Variants in SMARCAL1 observed in about 807,000 individuals in gnomAD.
SMARCAL1 encodes SNF2 related chromatin remodeling annealing helicase 1, also known as ATP-driven annealing helicase.
In SMARCAL1, 58 loss-of-function variants were observed where a neutral mutation model predicts 94.5. The ratio of observed to expected loss-of-function variants is 0.61; its 90% CI spans 0.50 to 0.76. SMARCAL1 has a LOEUF of 0.76. Ranked by LOEUF, SMARCAL1 falls within the 30% of genes least tolerant of loss-of-function variation. SMARCAL1 has a pLI of 0.00. For synonymous variants in SMARCAL1, 422 were observed against 455.1 expected, an observed-to-expected ratio of 0.93 and a Z score of 0.93; for missense variants, 1,051 against 1,177.9, an observed-to-expected ratio of 0.89 and a Z score of 1.58.
At chr2:216,430,665 G>A (rs1346428925) in intron 7 of SMARCAL1, among the ~76,000 whole-genome samples, 1 of 152,172 alleles carries the variant, frequency 6.6e-6, no homozygotes, top group African/African-American at 2.4e-5. Flanking sequence ...GGAAAAAGGA[G>A]AGAATGTGAA....
chr2:216,475,129 A>C lies in SMARCAL1; in HGVS notation c.2245-140A>C. ...AAGCAGTCATCTCAATACCAATGTC[A>C]ATTTGAAAAGAAAAGCTCTGAAGGC... is the stretch of plus-strand genomic sequence containing the variant. On this transcript the variant is annotated intron_variant, in intron 14 of 17. Coordinates refer to ENST00000357276, the MANE Select transcript of SMARCAL1 (RefSeq NM_014140.4). This position sits in a 1 kb window ranked among gnomAD's most constrained non-coding sequence, Gnocchi z 4.4. 1.4e-6 allele frequency: 1 copy of C among 736,386 alleles called. No individual in the cohort carries two copies. Among genetic ancestry groups the C allele is most frequent in the Non-Finnish European group, 2.3e-6 (1 of 440,410 alleles). The allele number at this position is 736,386 out of a possible 1,614,324, so 45.6% of individuals were successfully genotyped here. A position where few individuals can be genotyped will look rare whatever the true frequency, so the allele number is the denominator to read the frequency against.
chr2:216,467,331 C>T (rs12694390), intron 13 of SMARCAL1, among the ~76,000 whole-genome samples: 35,984 of 151,734 alleles, frequency 0.24, 5,050 homozygotes, highest in Non-Finnish European at 0.3. Flanking sequence ...ATTAGCTGGG[C>T]GTTGTGGTAC....
chr2:216,433,347 G>A (rs939390007), intron 8 of SMARCAL1, among the ~76,000 whole-genome samples: 6 of 152,044 alleles, frequency 3.9e-5, no homozygotes, highest in Non-Finnish European at 5.9e-5. Flanking sequence ...GCCTCCCAAA[G>A]TGCTGGGATT....
chr2:216,455,558 G>T (rs1463039136), intron 12 of SMARCAL1, among the ~76,000 whole-genome samples: 2 of 152,188 alleles, frequency 1.3e-5, no homozygotes, highest in African/African-American at 2.4e-5. Context: ...TCGTTGTTCT[G>T]CAGCCTCCGC....
intron 12 of SMARCAL1, among the ~76,000 whole-genome samples, chr2:216,463,807 C>T (rs1308006523): frequency 6.6e-6 from 1 of 152,194 alleles, no homozygotes; most frequent in Non-Finnish European, 1.5e-5. Flanking sequence ...CTTTGGGAGG[C>T]TGAGGTGGGT....
At chr2:216,479,609 G>T (rs974104311) in intron 17 of SMARCAL1, among the ~76,000 whole-genome samples, 1 of 152,034 alleles carries the variant, frequency 6.6e-6, no homozygotes, top group Non-Finnish European at 1.5e-5. Flanking sequence ...ATAAGACTCA[G>T]ATCATATTTT....
chr2:216,435,257 G>A (rs1694056442), intron 8 of SMARCAL1, 81 bp from the exon 9 acceptor site: 3 of 1,452,216 alleles, frequency 2.1e-6, no homozygotes, highest in Admixed American at 1.7e-5. Context: ...GCTGTTGATG[G>A]GCATGAGACT....
intron 9 of SMARCAL1, 92 bp downstream of exon 9, chr2:216,435,588 G>C: frequency 8.9e-7 from 1 of 1,124,804 alleles, no homozygotes. Context: ...TAATCTCCTT[G>C]AGCCCCATTT....
chr2:216,429,859 C>A (rs978233955), intron 7 of SMARCAL1, among the ~76,000 whole-genome samples: 19 of 152,280 alleles, frequency 1.2e-4, no homozygotes, highest in African/African-American at 4.6e-4. Flanking sequence ...GCACACTCTG[C>A]AAAACCTCCT....
In SMARCAL1 at chr2:216,438,471, A is replaced by G. The variant is rs776299636; in HGVS notation, c.1696A>G (p.Met566Val). ...TAGGACTGCCCGCTGTCGAGCAGCTATGCCGGTCCTAAAGGTGAGTACTTC... is the reference window on the plus strand; with the variant it reads ...TAGGACTGCCCGCTGTCGAGCAGCTGTGCCGGTCCTAAAGGTGAGTACTTC... ...NSRTARCRAAMPVLKVAKRVI... is the reference protein window; with the variant it reads ...NSRTARCRAAVPVLKVAKRVI... The change falls in exon 10 of 18, where the codon ATG becomes GTG. Residue 566 changes from methionine to valine, a missense_variant. Physicochemically the swap from Met to Val is conservative, Grantham distance 21 (BLOSUM62 1). Coordinates refer to ENST00000357276, the MANE Select transcript of SMARCAL1 (RefSeq NM_014140.4). The G allele has an allele frequency of 6.2e-6, 10 of 1,613,856 alleles. No homozygotes were observed. The Admixed American group carries it at 6.7e-5, about 11-fold the overall frequency.
chr2:216,477,238 T>A, intron 16 of SMARCAL1, 29 bp downstream of exon 16: 2 of 1,490,744 alleles, frequency 1.3e-6, no homozygotes, highest in Non-Finnish European at 1.8e-6. Context: ...GCCTGGCAGT[T>A]GGAGTCGAGC....
chr2:216,436,125 C>T (rs1232871866), intron 9 of SMARCAL1, among the ~76,000 whole-genome samples: 2 of 152,244 alleles, frequency 1.3e-5, no homozygotes, highest in Admixed American at 1.3e-4. Flanking sequence ...CTTGCCACCA[C>T]GCCCAGCTAA....
At chr2:216,465,576 C>A (rs891114927) in intron 13 of SMARCAL1, among the ~76,000 whole-genome samples, 3 of 152,188 alleles carry the variant, frequency 2.0e-5, no homozygotes, top group African/African-American at 7.2e-5. Context: ...TCTATTCTTA[C>A]AATTATTCAT....
intron 12 of SMARCAL1, among the ~76,000 whole-genome samples, chr2:216,460,279 G>C (rs538403574): frequency 2.2e-4 from 34 of 152,280 alleles, no homozygotes; most frequent in African/African-American, 8.2e-4. Flanking sequence ...TCAGTGTGGC[G>C]ATTCCTCAGG....
intron 6 of SMARCAL1, among the ~76,000 whole-genome samples, 188 bp downstream of exon 6, chr2:216,423,871 C>T (rs1168525149): frequency 1.3e-5 from 2 of 152,142 alleles, no homozygotes; most frequent in African/African-American, 4.8e-5. Flanking sequence ...TATGACAGCC[C>T]AGACAAATGC....
chr2:216,453,160 T>C (rs1042214695), intron 12 of SMARCAL1, among the ~76,000 whole-genome samples: 7 of 152,204 alleles, frequency 4.6e-5, no homozygotes, highest in African/African-American at 1.7e-4. Context: ...TAAATTGCAG[T>C]GTCATTCTTC....
intron 9 of SMARCAL1, among the ~76,000 whole-genome samples, chr2:216,436,606 G>C (rs1182670865): frequency 2.0e-5 from 3 of 152,222 alleles, no homozygotes; most frequent in African/African-American, 7.2e-5. Flanking sequence ...CTTTGGGGGA[G>C]TCATTTTTGG....
At chr2:216,446,699 A>G (rs771043996) in intron 10 of SMARCAL1, 2 of 513,578 alleles carry the variant, frequency 3.9e-6, no homozygotes, top group South Asian at 3.1e-5. Flanking sequence ...GGCGTCAGGC[A>G]TATGCTACAG....
rs1693578453 is a variant in SMARCAL1 at position 216,415,531 on chromosome 2, T to G, written c.811+16T>G. ...AAGAATTATGGTAATGTCTTCATTT[T>G]TCAGCTGTTTTTTTTTTTTTTTCTT... On this transcript the variant is annotated intron_variant, in intron 3 of 17. Coordinates refer to ENST00000357276, the MANE Select transcript of SMARCAL1 (RefSeq NM_014140.4). 6.3e-7 allele frequency: 1 copy of G among 1,580,540 alleles called. No individual in the cohort carries two copies. The highest frequency in any genetic ancestry group is 1.8e-5 in the Admixed American group (1 of 57,084).
Sources: allele counts gnomAD v4.1 joint callset (sites outside exome capture counted in the v4.1 genomes callset), GRCh38; gene constraint gnomAD v4.1.1; non-coding constraint Gnocchi (gnomAD v3.1); transcripts MANE v1.5; gene names NCBI Gene and HGNC (gene_info 2026-07-23, HGNC 2026-07-21).